Variants in ELF4 observed in about 807,000 individuals in gnomAD.
ELF4 encodes E74 like ETS transcription factor 4.
ELF4 carries 10 observed loss-of-function variants against 31.7 expected under a neutral mutation model. That is an observed-to-expected ratio of 0.32 (90% CI 0.19 to 0.54). The LOEUF (loss-of-function observed/expected upper bound fraction) is 0.54, where lower values mean the gene tolerates loss of function less well. Among genes scored for constraint, ELF4 ranks in the 20% least tolerant of loss-of-function variants. ELF4 has a pLI of 0.95. For missense variants in ELF4, 418 were observed against 522.0 expected (o/e 0.80, Z 1.94); for synonymous variants, 208 against 226.7 (o/e 0.92, Z 0.74).
At chrX:130,106,066 C>T (rs1044344515) in intron 1 of ELF4, among the ~76,000 whole-genome samples, 3 of 111,022 alleles carry the variant, frequency 2.7e-5, no homozygotes, top group African/African-American at 9.8e-5. Context: ...ATCCAGGCTT[C>T]GAAGGTCAGT....
chrX:130,084,498 T>C (rs1932933413), intron 1 of ELF4, among the ~76,000 whole-genome samples: 1 of 112,067 alleles, frequency 8.9e-6, no homozygotes, highest in African/African-American at 3.2e-5. Flanking sequence ...GGCATTCTTT[T>C]CTGTGTCCAC....
At chrX:130,105,188 A>G (rs897501954) in intron 1 of ELF4, among the ~76,000 whole-genome samples, 2 of 110,688 alleles carry the variant, frequency 1.8e-5, no homozygotes, top group African/African-American at 6.6e-5. Flanking sequence ...AAAAGAAAAG[A>G]AGGTGGCAAC....
At chrX:130,079,121 C>T (rs1455309247) in intron 2 of ELF4, among the ~76,000 whole-genome samples, 1 of 110,566 alleles carries the variant, frequency 9.0e-6, no homozygotes, top group Admixed American at 9.7e-5. Flanking sequence ...AGGGTTGGGA[C>T]ACCTGAAGAT....
At chrX:130,070,162 G>A (rs1449502495) in intron 7 of ELF4, among the ~76,000 whole-genome samples, 1 of 111,991 alleles carries the variant, frequency 8.9e-6, no homozygotes, top group Non-Finnish European at 1.9e-5. Context: ...GAGGCCAGGC[G>A]CGGTGGCTCA....
intron 8 of ELF4, 146 bp downstream of exon 8, chrX:130,069,154 G>C: frequency 1.3e-6 from 1 of 799,426 alleles, no homozygotes; most frequent in Non-Finnish European, 1.8e-6. Context: ...AATCCGAGAG[G>C]CGGAAGTTGC....
chrX:130,087,075 G>T (rs1932973008), intron 1 of ELF4, among the ~76,000 whole-genome samples: 1 of 112,781 alleles, frequency 8.9e-6, no homozygotes. Context: ...GTGACAAAGA[G>T]AACCTATTTC....
At chrX:130,102,878 GAGAGAGAGAA>G (rs1468069119) in intron 1 of ELF4, among the ~76,000 whole-genome samples, 22 of 47,717 alleles carry the variant, frequency 4.6e-4, no homozygotes, top group African/African-American at 1.3e-3. Flanking sequence ...GAGAGAGAGA[GAGAGAGAGAA>G]AGAAAGAAAG....
chrX:130,108,908 G>C (rs1832898958), intron 1 of ELF4, among the ~76,000 whole-genome samples: 1 of 110,570 alleles, frequency 9.0e-6, no homozygotes, highest in South Asian at 3.9e-4. Flanking sequence ...CCAGCTGGCT[G>C]GGATAGGAAG....
chrX:130,082,743 G>C (rs1280839443), intron 1 of ELF4, among the ~76,000 whole-genome samples: 1 of 109,376 alleles, frequency 9.1e-6, no homozygotes, highest in Non-Finnish European at 1.9e-5. Flanking sequence ...TCGCCAGCCA[G>C]CTCTGCTCCT....
chrX:130,066,111 G>A lies in ELF4; in HGVS notation c.*610C>T, dbSNP rs910673580. On this transcript the variant is annotated 3_prime_UTR_variant, in exon 9 of 9. Coordinates refer to ENST00000308167, the MANE Select transcript of ELF4 (RefSeq NM_001421.4). ...CCAGCTCTACAACATCTCCAGATTCGGAGGATCAAACTTGTACCCCATAGT... is the reference window on the plus strand; with the variant it reads ...CCAGCTCTACAACATCTCCAGATTCAGAGGATCAAACTTGTACCCCATAGT... 2.3e-5 allele frequency: 4 copies of A among 173,703 alleles called. No homozygotes were observed. Among genetic ancestry groups the A allele is most frequent in the East Asian group, 8.1e-5 (1 of 12,288 alleles). 14.3% of individuals were successfully genotyped at this position (173,703 alleles called of 1,213,427 possible). A position where few individuals can be genotyped will look rare whatever the true frequency, so the allele number is the denominator to read the frequency against.
rs1932782323 is a variant in ELF4, at chrX:130,070,962, CGAG to C, written c.809+75_809+77del. ...AGGATCAATCAGGTCTCCATGAAAG[CGAG>C]GAGGACTCCTTGGACTTAAGGAAGG... On this transcript the variant is annotated intron_variant, in intron 7 of 8. Transcript: ENST00000308167. The C allele has an allele frequency of 2.8e-5, 33 of 1,166,932 alleles. 1 individual carries two copies. In the South Asian group the frequency reaches 5.2e-4, roughly 18 times the overall value.
intron 1 of ELF4, among the ~76,000 whole-genome samples, chrX:130,087,479 T>A (rs1359012363): frequency 8.9e-6 from 1 of 112,390 alleles, no homozygotes; most frequent in Non-Finnish European, 1.9e-5. Context: ...CCGAAACGTG[T>A]TTTTCTTTTT....
chrX:130,084,252 A>C (rs1318506689), intron 1 of ELF4, among the ~76,000 whole-genome samples: 2 of 112,131 alleles, frequency 1.8e-5, no homozygotes, highest in African/African-American at 3.2e-5. Context: ...AGAATGACAA[A>C]CCTGAGCTAA....
Position 130,066,039 on chromosome X carries a change from TTCCCCAATGTGCATGCGCATCA to T in ELF4, c.*660_*681del. On this transcript the variant is annotated 3_prime_UTR_variant, in exon 9 of 9. Transcript: ENST00000308167. ...CCTTTGTGTCCCTGAGGAGCGCATC[TTCCCCAATGTGCATGCGCATCA>T]AAGCGTTCCTACTCTGCACTCGTTC... 5.7e-6 allele frequency: 1 copy of T among 174,820 alleles called. No individual in the cohort carries two copies. Among genetic ancestry groups the T allele is most frequent in the Non-Finnish European group, 1.1e-5 (1 of 91,086 alleles). The allele number at this position is 174,820 out of a possible 1,213,427, so 14.4% of individuals were successfully genotyped here.
At chrX:130,068,467 C>G (rs1320101703) in intron 8 of ELF4, among the ~76,000 whole-genome samples, 10 of 112,097 alleles carry the variant, frequency 8.9e-5, no homozygotes, top group African/African-American at 3.2e-4. Flanking sequence ...CCTCACCATT[C>G]CACTCTACTG....
At chrX:130,097,964 G>C (rs1177358862) in intron 1 of ELF4, among the ~76,000 whole-genome samples, 1 of 112,310 alleles carries the variant, frequency 8.9e-6, no homozygotes, top group Non-Finnish European at 1.9e-5. Context: ...CCCTCCCCTT[G>C]CCGGGTGTTT....
Position 130,066,846 on chromosome X carries a change from A to C in ELF4, c.1867T>G (p.Ser623Ala). ...ACACTAGGCTCAGCCATCAGCAGGGACCCTGAGCCTGAGGAGAGCTCAAGT... is the reference window on the plus strand; with the variant it reads ...ACACTAGGCTCAGCCATCAGCAGGGCCCCTGAGCCTGAGGAGAGCTCAAGT... ...AELELSSGSG[S>A]LLMAEPSVTT... Residue 623 changes from serine to alanine, a missense_variant, in exon 9 of 9, where the codon TCC (serine) becomes GCC (alanine). Coordinates refer to ENST00000308167, the MANE Select transcript of ELF4 (RefSeq NM_001421.4). The C allele has an allele frequency of 2.5e-6, 3 of 1,210,042 alleles. No individual in the cohort carries two copies. The highest frequency in any genetic ancestry group is 3.4e-6 in the Non-Finnish European group (3 of 894,447).
At chrX:130,095,547 G>C (rs1371808430) in intron 1 of ELF4, among the ~76,000 whole-genome samples, 2 of 111,325 alleles carry the variant, frequency 1.8e-5, no homozygotes, top group African/African-American at 6.5e-5. Flanking sequence ...GCCCCTGTGG[G>C]GCCGCTTCAA....
At chrX:130,105,091 A>G (rs1231412113) in intron 1 of ELF4, among the ~76,000 whole-genome samples, 1 of 110,362 alleles carries the variant, frequency 9.1e-6, no homozygotes, top group Admixed American at 9.7e-5. Context: ...AATTGCTTGA[A>G]CCCGGGAGAT....
Sources: allele counts gnomAD v4.1 joint callset (sites outside exome capture counted in the v4.1 genomes callset), GRCh38; gene constraint gnomAD v4.1.1; transcripts MANE v1.5; gene names NCBI Gene and HGNC (gene_info 2026-07-23, HGNC 2026-07-21).